RASSF5: variants seen among roughly 807,000 people sequenced by gnomAD.
RASSF5 encodes the protein ras association domain-containing protein 5.
Under a neutral mutation model 40.5 loss-of-function variants are expected in RASSF5, and 25 were observed. The ratio of observed to expected loss-of-function variants is 0.62; its 90% CI spans 0.45 to 0.86. The LOEUF (loss-of-function observed/expected upper bound fraction) is 0.86. Among genes scored for constraint, RASSF5 ranks in the 40% least tolerant of loss-of-function variants. The pLI is 0.00. For missense variants in RASSF5, 521 were observed against 572.8 expected (o/e 0.91, Z 0.92); for synonymous variants, 246 against 252.4 (o/e 0.97, Z 0.24).
In RASSF5 at chr1:206,589,041, A is replaced by T. The variant is rs1170759998; in HGVS notation, c.*2063A>T. Reference sequence around the variant, plus strand: ...TATGAAATGAGAAAATTATTGGACAATTCAGACTTTACTAAAGCACAGTTA... The same window carrying T: ...TATGAAATGAGAAAATTATTGGACATTTCAGACTTTACTAAAGCACAGTTA... On this transcript the variant is annotated 3_prime_UTR_variant, in exon 6 of 6. Transcript: ENST00000579436. 1 of 152,794 alleles carries T rather than the reference A, an allele frequency of 6.5e-6. No homozygotes were observed. Among genetic ancestry groups the T allele is most frequent in the African/African-American group, 2.4e-5 (1 of 41,444 alleles). 9.5% of individuals were successfully genotyped at this position (152,794 alleles called of 1,614,324 possible). A position where few individuals can be genotyped will look rare whatever the true frequency, so the allele number is the denominator to read the frequency against.
intron 2 of RASSF5, among the ~76,000 whole-genome samples, chr1:206,538,983 C>A (rs1217311093): frequency 1.3e-5 from 2 of 152,126 alleles, no homozygotes; most frequent in African/African-American, 4.8e-5. Context: ...AGAATACCAA[C>A]AAATAGCATA....
At position 206,531,881 on chromosome 1, in the gene RASSF5, A is replaced by T. The variant is rs915398837; in HGVS notation, c.458-6291A>T. The stretch of plus-strand genomic sequence containing the variant: ...TGAAACCCTGTCTCTACTAAAAAAA[A>T]ATAAATAAATAAATACAAAAATTAG... On this transcript the variant is annotated intron_variant, in intron 1 of 5. Coordinates refer to ENST00000579436, the MANE Select transcript of RASSF5 (RefSeq NM_182663.4). The surrounding 1 kb of genome is among the most constrained non-coding windows in gnomAD (Gnocchi z 4.7). Among the ~76,000 whole-genome samples, 3 of 148,250 alleles carry T rather than the reference A, an allele frequency of 2.0e-5. No homozygotes were observed. The East Asian group carries it at 5.8e-4, about 29-fold the overall frequency.
At chr1:206,563,630 G>A (rs1015780417) in intron 2 of RASSF5, among the ~76,000 whole-genome samples, 1 of 152,190 alleles carries the variant, frequency 6.6e-6, no homozygotes, top group Non-Finnish European at 1.5e-5. Flanking sequence ...AATCTTTGGA[G>A]ATGGGACCCT....
chr1:206,523,430 A>C (rs868988395), intron 1 of RASSF5, among the ~76,000 whole-genome samples: 10 of 111,398 alleles, frequency 9.0e-5, no homozygotes, highest in Non-Finnish European at 1.7e-4. Flanking sequence ...ATATTATATA[A>C]TATATTTTAT....
In RASSF5 at chr1:206,587,144, A is replaced by G. The variant is rs7525135; in HGVS notation, c.*166A>G. ...TCTTCCATGGACAAGTGTTTGCACG[A>G]GGGTTCAGCTGTGCCCGCCCCCAGG... is the stretch of plus-strand genomic sequence containing the variant. On this transcript the variant is annotated 3_prime_UTR_variant, in exon 6 of 6. Coordinates refer to ENST00000579436, the MANE Select transcript of RASSF5 (RefSeq NM_182663.4). 0.71 allele frequency: 565,430 copies of G among 796,146 alleles called. 202,600 individuals carry two copies. The highest frequency in any genetic ancestry group is 0.83 in the African/African-American group (48,976 of 58,666). The allele number at this position is 796,146 out of a possible 1,614,324, so 49.3% of individuals were successfully genotyped here.
At chr1:206,520,911 GCAC>G (rs1666888552) in intron 1 of RASSF5, among the ~76,000 whole-genome samples, 1 of 152,184 alleles carries the variant, frequency 6.6e-6, no homozygotes, top group African/African-American at 2.4e-5. Flanking sequence ...CAAGCCTGCA[GCAC>G]GGCTGTCTGC....
intron 2 of RASSF5, among the ~76,000 whole-genome samples, chr1:206,577,080 G>T (rs1233910338): frequency 6.6e-6 from 1 of 151,956 alleles, no homozygotes; most frequent in African/African-American, 2.4e-5. Context: ...CAAAGTGCTG[G>T]GATTGTAGGT....
At chr1:206,559,509 A>C (rs1553402296) in intron 2 of RASSF5, among the ~76,000 whole-genome samples, 1 of 152,198 alleles carries the variant, frequency 6.6e-6, no homozygotes. Context: ...TCTTCCCCCC[A>C]GTTCTCCTTC....
chr1:206,561,338 G>T (rs920624428), intron 2 of RASSF5, among the ~76,000 whole-genome samples: 2 of 152,174 alleles, frequency 1.3e-5, no homozygotes, highest in Non-Finnish European at 2.9e-5. Context: ...ATAGACCGTA[G>T]GTCTTGTCCT....
At chr1:206,563,560 C>A (rs1212425626) in intron 2 of RASSF5, among the ~76,000 whole-genome samples, 2 of 152,156 alleles carry the variant, frequency 1.3e-5, no homozygotes, top group Non-Finnish European at 2.9e-5. Flanking sequence ...ACCACCTGCA[C>A]CAGAACTACT....
intron 2 of RASSF5, among the ~76,000 whole-genome samples, chr1:206,551,778 A>C (rs1250747181): frequency 6.6e-6 from 1 of 152,180 alleles, no homozygotes; most frequent in Non-Finnish European, 1.5e-5. Flanking sequence ...GATGACCCCC[A>C]GGTGGGCTAG....
Position 206,585,271 on chromosome 1 carries a change from G to A in RASSF5, c.1080G>A (p.Lys360=). The change falls in exon 5 of 6, where the codon AAG becomes AAA. Residue 360 remains lysine (K), a synonymous_variant. Coordinates refer to ENST00000579436, the MANE Select transcript of RASSF5 (RefSeq NM_182663.4). ...PDTEVLSFVL[K]ENETGEVEWD... is the part of the protein sequence containing the mutation. ...CGGAGGTCCTCAGCTTTGTGCTAAAGGAGAATGAAACTGGAGAGGTAGAGG... is the reference window on the plus strand; with the variant it reads ...CGGAGGTCCTCAGCTTTGTGCTAAAAGAGAATGAAACTGGAGAGGTAGAGG... 1 of 1,614,154 alleles carries A rather than the reference G, an allele frequency of 6.2e-7. No homozygotes were observed. The highest frequency in any genetic ancestry group is 1.7e-5 in the Admixed American group (1 of 60,030).
intron 2 of RASSF5, among the ~76,000 whole-genome samples, chr1:206,555,744 C>T (rs782202221): frequency 1.8e-4 from 27 of 152,188 alleles, no homozygotes; most frequent in Non-Finnish European, 3.7e-4. Flanking sequence ...ACTCTCAGCT[C>T]TCTTGTTTTT....
chr1:206,516,731 A>G (rs1337719138), intron 1 of RASSF5, among the ~76,000 whole-genome samples: 13 of 152,338 alleles, frequency 8.5e-5, no homozygotes, highest in African/African-American at 2.9e-4. Flanking sequence ...CGCTGGGATT[A>G]CGGGCATCAG....
At chr1:206,524,688 A>ATATTATGTATAAT (rs1667052189) in intron 1 of RASSF5, among the ~76,000 whole-genome samples, 1 of 83,098 alleles carries the variant, frequency 1.2e-5, no homozygotes, top group African/African-American at 4.9e-5. Flanking sequence ...ATATATATTT[A>ATATTATGTATAAT]ATATATTATA....
chr1:206,524,429 A>G (rs1553396802), intron 1 of RASSF5, among the ~76,000 whole-genome samples: 2 of 141,340 alleles, frequency 1.4e-5, no homozygotes, highest in Admixed American at 7.6e-5. Context: ...TATATTATAG[A>G]TACCATATAT....
At position 206,570,104 on chromosome 1, in the gene RASSF5, T is replaced by C. The variant is rs1241675834; in HGVS notation, c.580-13165T>C. Among the ~76,000 whole-genome samples the C allele has an allele frequency of 1.1e-3, 94 of 83,832 alleles. No homozygotes were observed. The East Asian group carries it at 0.013, about 12-fold the overall frequency. The allele number at this position is 83,832 out of a possible 152,430, so 55.0% of individuals were successfully genotyped here. On this transcript the variant is annotated intron_variant, in intron 2 of 5. Transcript: ENST00000579436. Reference sequence around the variant, plus strand: ...TTTTTTTTTTTTTTTTTTTTTTTTTTCCCCAAGACAGAGTCTCAAATCTGT... The same window carrying C: ...TTTTTTTTTTTTTTTTTTTTTTTTTCCCCCAAGACAGAGTCTCAAATCTGT...
Position 206,507,566 on chromosome 1 carries a change from A to T in RASSF5, c.-37A>T. The T allele has an allele frequency of 6.9e-7, 1 of 1,446,676 alleles. No individual in the cohort carries two copies. The highest frequency in any genetic ancestry group is 9.1e-7 in the Non-Finnish European group (1 of 1,103,314). 89.6% of individuals were successfully genotyped at this position (1,446,676 alleles called of 1,614,324 possible). On this transcript the variant is annotated 5_prime_UTR_variant, in exon 1 of 6. Transcript: ENST00000579436. ...TGGCTCGGGAGTAGCGCAGTCGCCA[A>T]AGCCGCCGCTGCCAAAGCTGCCGCC...
At chr1:206,538,609 G>A (rs1004967285) in intron 2 of RASSF5, among the ~76,000 whole-genome samples, 3 of 152,162 alleles carry the variant, frequency 2.0e-5, no homozygotes, top group African/African-American at 7.2e-5. Flanking sequence ...GGTCCCTAAA[G>A]GCCTCATAGC....
Sources: allele counts gnomAD v4.1 joint callset (sites outside exome capture counted in the v4.1 genomes callset), GRCh38; gene constraint gnomAD v4.1.1; non-coding constraint Gnocchi (gnomAD v3.1); transcripts MANE v1.5; gene names NCBI Gene and HGNC (gene_info 2026-07-23, HGNC 2026-07-21).